ABHD3: variants seen among roughly 807,000 people sequenced by gnomAD.
The protein encoded by ABHD3 is phospholipase ABHD3.
Under a neutral mutation model 48.8 loss-of-function variants are expected in ABHD3, and 46 were observed. That is an observed-to-expected ratio of 0.94 (90% CI 0.74 to 1.20). The LOEUF (loss-of-function observed/expected upper bound fraction) is 1.20, where lower values mean the gene tolerates loss of function less well. Ranked by LOEUF, ABHD3 falls within the 50% of genes most tolerant of loss-of-function variation. The pLI, the probability that ABHD3 is intolerant of heterozygous loss-of-function variation, is 0.00. For synonymous variants in ABHD3, 192 were observed against 183.7 expected (o/e 1.04, Z -0.36); for missense variants, 490 against 497.8 (o/e 0.98, Z 0.15).
chr18:21,675,549 G>A (rs1156854509), intron 4 of ABHD3, among the ~76,000 whole-genome samples: 3 of 152,020 alleles, frequency 2.0e-5, no homozygotes, highest in Admixed American at 1.3e-4. Context: ...TTACAGGTAT[G>A]AGTCACCGCA....
chr18:21,698,947 T>TC (rs2040446992), intron 3 of ABHD3, among the ~76,000 whole-genome samples: 1 of 151,850 alleles, frequency 6.6e-6, no homozygotes, highest in South Asian at 2.1e-4. Flanking sequence ...CACTTTTTTT[T>TC]TTTTGAGATG....
chr18:21,702,607 C>T (rs934012730), intron 2 of ABHD3, 109 bp from the exon 3 acceptor site: 1 of 1,022,862 alleles, frequency 9.8e-7, no homozygotes, highest in African/African-American at 1.7e-5. Context: ...AACATTTTTC[C>T]AGCATTCACG....
At chr18:21,685,927 A>C (rs1428398240) in intron 3 of ABHD3, among the ~76,000 whole-genome samples, 1 of 152,182 alleles carries the variant, frequency 6.6e-6, no homozygotes, top group African/African-American at 2.4e-5. Context: ...AAAACTCCTA[A>C]TCTCAAGTGG....
chr18:21,683,349 TA>T (rs2040050766), intron 4 of ABHD3, among the ~76,000 whole-genome samples: 1 of 152,158 alleles, frequency 6.6e-6, no homozygotes, highest in Non-Finnish European at 1.5e-5. Flanking sequence ...ATATAAATTT[TA>T]AAAGGTTTCA....
At chr18:21,659,489 C>T in intron 5 of ABHD3, 146 bp from the exon 6 acceptor site, 1 of 716,398 alleles carries the variant, frequency 1.4e-6, no homozygotes, top group South Asian at 2.1e-5. Flanking sequence ...AGCATGCAAG[C>T]ATCTTCATTC....
intron 5 of ABHD3, among the ~76,000 whole-genome samples, chr18:21,663,384 T>A (rs555860688): frequency 2.0e-5 from 3 of 152,026 alleles, no homozygotes; most frequent in African/African-American, 7.2e-5. Context: ...GGACAATGGC[T>A]TCAGGAATCT....
chr18:21,677,826 G>T lies in ABHD3; in HGVS notation c.555+6094C>A, dbSNP rs570898111. On this transcript the variant is annotated intron_variant, in intron 4 of 8. Coordinates refer to ENST00000289119, the MANE Select transcript of ABHD3 (RefSeq NM_138340.5). ...AGCCTCCTGAGTAGCTGGGACTACAGGCACGCACCACCACGCCTGGCTAAT... is the reference window on the plus strand; with the variant it reads ...AGCCTCCTGAGTAGCTGGGACTACATGCACGCACCACCACGCCTGGCTAAT... 8.6e-5 allele frequency among the ~76,000 whole-genome samples: 13 copies of T among 152,040 alleles called. No individual in the cohort carries two copies. In the East Asian group the frequency reaches 1.9e-3, roughly 23 times the overall value.
At chr18:21,684,034 C>T in intron 3 of ABHD3, 69 bp from the exon 4 acceptor site, 1 of 1,375,234 alleles carries the variant, frequency 7.3e-7, no homozygotes, top group Non-Finnish European at 1.0e-6. Flanking sequence ...ATATTAAAGT[C>T]ATCTTACTGA....
rs1287851884 is a variant in ABHD3, at chr18:21,655,628, T to C, written c.1057+1233A>G. On this transcript the variant is annotated intron_variant, in intron 8 of 8. Transcript: ENST00000289119. ...GCTGAGGCAGGCGGATCGCCTGAGG[T>C]CAGGAGTTCAAGAGCAGCCTGGCCA... Among the ~76,000 whole-genome samples, 3 of 151,968 alleles carry C rather than the reference T, an allele frequency of 2.0e-5. No individual in the cohort carries two copies. The East Asian group carries it at 5.8e-4, about 29-fold the overall frequency.
chr18:21,661,119 A>G lies in ABHD3; in HGVS notation c.669-1776T>C, dbSNP rs1364741809. ...CTACAAGCTAAAAAAAAAAAAAAAA[A>G]AAAAAAAGAGAAATAACCCCTGGAT... is the stretch of plus-strand genomic sequence containing the variant. On this transcript the variant is annotated intron_variant, in intron 5 of 8. Coordinates refer to ENST00000289119, the MANE Select transcript of ABHD3 (RefSeq NM_138340.5). Among the ~76,000 whole-genome samples the G allele has an allele frequency of 7.9e-4, 119 of 151,186 alleles. 1 individual carries two copies. The highest frequency in any genetic ancestry group is 2.8e-3 in the African/African-American group (114 of 41,364).
At chr18:21,672,443 C>A (rs2039777269) in intron 4 of ABHD3, among the ~76,000 whole-genome samples, 2 of 152,170 alleles carry the variant, frequency 1.3e-5, no homozygotes, top group African/African-American at 4.8e-5. Context: ...GTAAAAAAAT[C>A]ATTTACGTTT....
chr18:21,655,349 A>G (rs2850576), intron 8 of ABHD3, among the ~76,000 whole-genome samples: 74,859 of 148,264 alleles, frequency 0.5, 22,024 homozygotes, highest in African/African-American at 0.82. Flanking sequence ...GTGCAGTGGC[A>G]CGATCTCAGC....
intron 3 of ABHD3, among the ~76,000 whole-genome samples, chr18:21,690,537 G>A (rs1279293223): frequency 1.3e-5 from 2 of 152,294 alleles, no homozygotes; most frequent in Middle Eastern, 3.4e-3. Context: ...AGGAGGCGGA[G>A]CTTGCAGTGA....
Position 21,651,458 on chromosome 18 carries a change from T to C in ABHD3, c.*133A>G, listed in dbSNP as rs901925608. The C allele has an allele frequency of 3.1e-6, 3 of 981,806 alleles. No homozygotes were observed. In the African/African-American group the frequency reaches 5.0e-5, roughly 16 times the overall value. 60.8% of individuals were successfully genotyped at this position (981,806 alleles called of 1,614,324 possible). Reference sequence around the variant, plus strand: ...GTTTTGTTTCTCTAAAAAGTAGTTTTTGCATATCATTCTGGACCTCTTCAC... The same window carrying C: ...GTTTTGTTTCTCTAAAAAGTAGTTTCTGCATATCATTCTGGACCTCTTCAC... On this transcript the variant is annotated 3_prime_UTR_variant, in exon 9 of 9. Transcript: ENST00000289119.
At chr18:21,683,597 G>T (rs775612367) in intron 4 of ABHD3, 7 of 487,224 alleles carry the variant, frequency 1.4e-5, no homozygotes, top group South Asian at 1.1e-4. Flanking sequence ...AATGATGTAG[G>T]TGAATAACTA....
chr18:21,660,146 A>AT (rs1568138495), intron 5 of ABHD3, among the ~76,000 whole-genome samples: 115 of 144,008 alleles, frequency 8.0e-4, no homozygotes, highest in African/African-American at 3.0e-3. Flanking sequence ...AAAAAAAAAA[A>AT]ATTTTTTTTT....
chr18:21,688,807 T>C (rs1345571241), intron 3 of ABHD3, among the ~76,000 whole-genome samples: 2 of 152,166 alleles, frequency 1.3e-5, no homozygotes, highest in Non-Finnish European at 2.9e-5. Flanking sequence ...TGAGATACAT[T>C]GTAAAGGGAG....
At chr18:21,679,204 T>C (rs2039953649) in intron 4 of ABHD3, among the ~76,000 whole-genome samples, 1 of 152,210 alleles carries the variant, frequency 6.6e-6, no homozygotes, top group South Asian at 2.1e-4. Flanking sequence ...GAGGTATAAA[T>C]AAACATCAGA....
At chr18:21,690,258 CA>C (rs1215287008) in intron 3 of ABHD3, among the ~76,000 whole-genome samples, 1 of 151,150 alleles carries the variant, frequency 6.6e-6, no homozygotes, top group Non-Finnish European at 1.5e-5. Context: ...GAAAAAGGTC[CA>C]AAAAAAGTAG....
Sources: allele counts gnomAD v4.1 joint callset (sites outside exome capture counted in the v4.1 genomes callset), GRCh38; gene constraint gnomAD v4.1.1; transcripts MANE v1.5; gene names NCBI Gene and HGNC (gene_info 2026-07-23, HGNC 2026-07-21).